MYO5C: variants seen among roughly 807,000 people sequenced by gnomAD.
MYO5C encodes unconventional myosin-Vc.
Under a neutral mutation model 235.7 loss-of-function variants are expected in MYO5C, and 194 were observed. That is an observed-to-expected ratio of 0.82 (90% CI 0.73 to 0.93). MYO5C has a LOEUF of 0.93. Among genes scored for constraint, MYO5C ranks in the 40% least tolerant of loss-of-function variants. MYO5C has a pLI of 0.00. For missense variants in MYO5C, 2,038 were observed against 2,127.2 expected (o/e 0.96, Z 0.82); for synonymous variants, 707 against 754.8 (o/e 0.94, Z 1.04).
At chr15:52,230,365 A>C (rs907995690) in intron 24 of MYO5C, among the ~76,000 whole-genome samples, 1 of 152,114 alleles carries the variant, frequency 6.6e-6, no homozygotes, top group Non-Finnish European at 1.5e-5. Context: ...TCTGAGAAAG[A>C]GAGCCACATT....
At chr15:52,230,467 G>A (rs1482556884) in intron 24 of MYO5C, among the ~76,000 whole-genome samples, 3 of 151,104 alleles carry the variant, frequency 2.0e-5, no homozygotes, top group East Asian at 2.0e-4. Context: ...GAACTTCAGT[G>A]GCATGATCTC....
At position 52,244,553 on chromosome 15, in the gene MYO5C, G is replaced by A. The variant is rs375638295; in HGVS notation, c.2193C>T (p.Tyr731=). Residue 731 remains tyrosine (Y), a synonymous_variant, in exon 19 of 41, where the codon TAC becomes TAT. Coordinates refer to ENST00000261839, the MANE Select transcript of MYO5C (RefSeq NM_018728.4). The part of the protein sequence containing the change: ...LHRLIQDSNQ[Y]QFGKTKIFFR... ...AGAAAATTTTGGTTTTACCAAACTG[G>A]TACTGATTAGAATCCTGGAAGAGAA... The A allele has an allele frequency of 2.2e-5, 35 of 1,609,266 alleles. 1 individual carries two copies. In the Middle Eastern group the frequency reaches 5.1e-4, roughly 24 times the overall value.
rs1248829386 is a variant in MYO5C at position 52,192,542 on chromosome 15, A to G, written c.*1360T>C. The G allele has an allele frequency of 6.6e-6, 1 of 152,190 alleles. No individual in the cohort carries two copies. The highest frequency in any genetic ancestry group is 2.4e-5 in the African/African-American group (1 of 41,436). 9.4% of individuals were successfully genotyped at this position (152,190 alleles called of 1,614,324 possible). A position where few individuals can be genotyped will look rare whatever the true frequency, so the allele number is the denominator to read the frequency against. On this transcript the variant is annotated 3_prime_UTR_variant, in exon 41 of 41. Coordinates refer to ENST00000261839, the MANE Select transcript of MYO5C (RefSeq NM_018728.4). ...GTCACCTGTGACTGTCAGAAACAGA[A>G]GGTGCAATTGGGATTCTTAGGTTGG...
rs200082175 is a variant in MYO5C at position 52,232,624 on chromosome 15, T to G, written c.3024A>C (p.Arg1008Ser). 1 of 1,613,768 alleles carries G rather than the reference T, an allele frequency of 6.2e-7. No homozygotes were observed. Among genetic ancestry groups the G allele is most frequent in the Non-Finnish European group, 8.5e-7 (1 of 1,179,830 alleles). The change falls in exon 24 of 41, where the codon AGA (arginine) becomes AGC (serine). Residue 1008 changes from arginine to serine, a missense_variant and splice_region_variant. By Grantham distance (110) the Arg-to-Ser change is moderately radical (BLOSUM62 -1). Transcript: ENST00000261839. ...FDDVQKEERQ[R>S]MLLEKSFELK... Reference sequence around the variant, plus strand: ...TTAAGGCAAACTAGATTCCATACATTCTTTGCCGTTCTTCCTTTTGTACAT... The same window carrying G: ...TTAAGGCAAACTAGATTCCATACATGCTTTGCCGTTCTTCCTTTTGTACAT...
chr15:52,282,167 A>G (rs994470583), intron 2 of MYO5C, among the ~76,000 whole-genome samples: 22 of 151,996 alleles, frequency 1.4e-4, no homozygotes, highest in Admixed American at 6.6e-5. Flanking sequence ...CCTCCCCCTC[A>G]CCACACCAGC....
At chr15:52,294,494 G>C (rs925199659) in intron 1 of MYO5C, among the ~76,000 whole-genome samples, 2 of 152,166 alleles carry the variant, frequency 1.3e-5, no homozygotes, top group Non-Finnish European at 2.9e-5. Flanking sequence ...GAAGAAAAAC[G>C]TTTGCTTAAA....
chr15:52,216,043 T>C (rs1238238680), intron 32 of MYO5C, among the ~76,000 whole-genome samples: 1 of 152,184 alleles, frequency 6.6e-6, no homozygotes, highest in Non-Finnish European at 1.5e-5. Flanking sequence ...ACCTTACAAG[T>C]TGTGTTACTG....
intron 2 of MYO5C, among the ~76,000 whole-genome samples, chr15:52,280,138 TTAACTC>T (rs1306252637): frequency 6.6e-6 from 1 of 152,238 alleles, no homozygotes; most frequent in African/African-American, 2.4e-5. Context: ...TACGGTCTCT[TTAACTC>T]TAAGGTTGTT....
intron 24 of MYO5C, among the ~76,000 whole-genome samples, chr15:52,230,625 G>A (rs1346314728): frequency 6.6e-6 from 1 of 152,018 alleles, no homozygotes; most frequent in African/African-American, 2.4e-5. Context: ...GGCCAGACTG[G>A]TCTCAAACTC....
rs67156072 is a variant in MYO5C at position 52,278,538 on chromosome 15, T to TAA, written c.449+333_449+334dup. On this transcript the variant is annotated intron_variant, in intron 4 of 40. Coordinates refer to ENST00000261839, the MANE Select transcript of MYO5C (RefSeq NM_018728.4). ...ATCAGATCCTACTTCCTGCAATGGG[T>TAA]AAAAAAAAAAAAAGCTTAAACGTCT... Among the ~76,000 whole-genome samples, 69 of 137,358 alleles carry TAA rather than the reference T, an allele frequency of 5.0e-4. 1 individual carries two copies. The East Asian group carries it at 0.012, about 25-fold the overall frequency. The allele number at this position is 137,358 out of a possible 152,430, so 90.1% of individuals were successfully genotyped here. A position where few individuals can be genotyped will look rare whatever the true frequency, so the allele number is the denominator to read the frequency against.
rs1445876463 is a variant in MYO5C at position 52,212,711 on chromosome 15, C to T, written c.4141+477G>A. 2.6e-5 allele frequency among the ~76,000 whole-genome samples: 4 copies of T among 152,334 alleles called. No individual in the cohort carries two copies. In the East Asian group the frequency reaches 5.8e-4, roughly 22 times the overall value. On this transcript the variant is annotated intron_variant, in intron 34 of 40. Transcript: ENST00000261839. ...ACATGGGACATTCCTGTAACTGAGG[C>T]ATGGCTGGGAAGCCCCATCACATTG...
Position 52,242,132 on chromosome 15 carries a change from G to A in MYO5C, c.2472C>T (p.Arg824=), listed in dbSNP as rs765888721. 1.9e-5 allele frequency: 31 copies of A among 1,614,068 alleles called. No individual in the cohort carries two copies. Among genetic ancestry groups the A allele is most frequent in the African/African-American group, 2.7e-5 (2 of 74,916 alleles). The change falls in exon 20 of 41, where the codon CGC becomes CGT. Residue 824 remains arginine (R), a synonymous_variant. Transcript: ENST00000261839. ...IQKHCRGYLV[R]SLYQLIRMAT... is the part of the protein sequence containing the mutation. ...CCATGCGAATCAACTGATACAGGCT[G>A]CGAACAAGATACCCGCGGCAGTGCT...
chr15:52,213,506 C>G, intron 33 of MYO5C: 1 of 432,702 alleles, frequency 2.3e-6, no homozygotes, highest in African/African-American at 2.0e-5. Context: ...TGAAAAGGCC[C>G]AATTATCCTT....
chr15:52,253,865 C>T (rs1303870870), intron 11 of MYO5C, among the ~76,000 whole-genome samples: 3 of 152,152 alleles, frequency 2.0e-5, no homozygotes, highest in Non-Finnish European at 4.4e-5. Flanking sequence ...TGGGAGAAGC[C>T]CACTGCTTAG....
At chr15:52,292,525 A>G (rs755831403) in intron 1 of MYO5C, among the ~76,000 whole-genome samples, 7 of 152,246 alleles carry the variant, frequency 4.6e-5, no homozygotes, top group Admixed American at 2.0e-4. Flanking sequence ...GAGAGGCGGC[A>G]CATGAAACTC....
intron 4 of MYO5C, among the ~76,000 whole-genome samples, chr15:52,276,127 G>T (rs915984622): frequency 1.3e-5 from 2 of 151,520 alleles, no homozygotes; most frequent in Admixed American, 6.6e-5. Flanking sequence ...CCCTGTGTAG[G>T]TCATCATGCT....
chr15:52,202,713 A>AC (rs2035215903), intron 38 of MYO5C, among the ~76,000 whole-genome samples: 1 of 152,086 alleles, frequency 6.6e-6, no homozygotes, highest in Non-Finnish European at 1.5e-5. Context: ...CCTTCTGAAT[A>AC]CCCCTTTCTA....
intron 1 of MYO5C, 150 bp downstream of exon 1, chr15:52,295,460 C>T: frequency 1.2e-6 from 1 of 858,000 alleles, no homozygotes; most frequent in Non-Finnish European, 1.6e-6. Context: ...GGCCCCTCCG[C>T]GGCGCCTCCG....
At chr15:52,201,360 G>C (rs2035183756) in intron 38 of MYO5C, among the ~76,000 whole-genome samples, 1 of 152,164 alleles carries the variant, frequency 6.6e-6, no homozygotes, top group Admixed American at 6.6e-5. Context: ...ACAGTAGCTA[G>C]AAAAAAGTAA....
Sources: gnomAD v4.1 joint callset for allele counts (sites outside exome capture counted in the v4.1 genomes callset) on GRCh38, gnomAD v4.1.1 for gene constraint, MANE v1.5 for transcripts, NCBI Gene and HGNC (gene_info 2026-07-23, HGNC 2026-07-21) for gene names.